Variants in PCDH11X observed in about 807,000 individuals in gnomAD.
The protein encoded by PCDH11X is protocadherin-11 X-linked.
In PCDH11X, 18 loss-of-function variants were observed where a neutral mutation model predicts 53.3. That is an observed-to-expected ratio of 0.34 (90% CI 0.23 to 0.50). The LOEUF (loss-of-function observed/expected upper bound fraction) is 0.50, where lower values mean the gene tolerates loss of function less well. Ranked by LOEUF, PCDH11X falls within the 20% of genes least tolerant of loss-of-function variation. The pLI is 0.98. For synonymous variants in PCDH11X, 279 were observed against 393.3 expected (o/e 0.71, Z 3.44); for missense variants, 570 against 1,032.4 (o/e 0.55, Z 6.14).
chrX:92,613,481 T>G (rs1166718335), intron 10 of PCDH11X, among the ~76,000 whole-genome samples: 1 of 110,012 alleles, frequency 9.1e-6, no homozygotes, highest in Non-Finnish European at 1.9e-5. Context: ...CCTGATGGAG[T>G]TCGTTTGTAT....
Position 91,890,710 on chromosome X carries a change from TAAAA to T in PCDH11X, c.3033+11439_3033+11442del, listed in dbSNP as rs750909682. 1.3e-3 allele frequency among the ~76,000 whole-genome samples: 140 copies of T among 108,824 alleles called. 3 individuals are homozygous for T. The South Asian group carries it at 0.055, about 43-fold the overall frequency. 94.5% of individuals were successfully genotyped at this position (108,824 alleles called of 115,157 possible). ...TACTTAATTTTAATAATTATGAAAA[TAAAA>T]AGAAAGAAGTAGTTCTCTGTTAGTC... On this transcript the variant is annotated intron_variant, in intron 6 of 10. Coordinates refer to ENST00000682573, the MANE Select transcript of PCDH11X (RefSeq NM_032968.5).
intron 6 of PCDH11X, among the ~76,000 whole-genome samples, chrX:91,905,073 A>G (rs187992394): frequency 9.5e-6 from 1 of 105,775 alleles, no homozygotes; most frequent in East Asian, 2.9e-4. Context: ...ATAAAGAGAA[A>G]CAGCTTTTAT....
At chrX:91,812,611 T>A in intron 4 of PCDH11X, among the ~76,000 whole-genome samples, 1 of 111,521 alleles carries the variant, frequency 9.0e-6, no homozygotes, top group Admixed American at 9.6e-5. Flanking sequence ...GTCACCATAG[T>A]TTTCCCCAGT....
intron 10 of PCDH11X, among the ~76,000 whole-genome samples, chrX:92,518,893 A>G (rs2074319708): frequency 9.3e-6 from 1 of 106,959 alleles, no homozygotes; most frequent in Admixed American, 1.0e-4. Flanking sequence ...AGTAGCTGGG[A>G]CTACAAGTGC....
At chrX:92,536,221 G>A (rs35189756) in intron 10 of PCDH11X, among the ~76,000 whole-genome samples, 11 of 110,875 alleles carry the variant, frequency 9.9e-5, no homozygotes, top group Middle Eastern at 4.6e-3. Context: ...TCAAATTCTC[G>A]TAGTATGTTT....
Position 92,163,444 on chromosome X carries a change from C to T in PCDH11X, c.3034-37931C>T, listed in dbSNP as rs2065677254. On this transcript the variant is annotated intron_variant, in intron 6 of 10. Transcript: ENST00000682573. Reference sequence around the variant, plus strand: ...TTCCCAGTTCCTCTGGCAGCCCTCCCCAAGGACCCCTGTGAGACAAGTCAG... The same window carrying T: ...TTCCCAGTTCCTCTGGCAGCCCTCCTCAAGGACCCCTGTGAGACAAGTCAG... 3.6e-5 allele frequency among the ~76,000 whole-genome samples: 4 copies of T among 110,361 alleles called. No individual in the cohort carries two copies. The Admixed American group carries it at 3.9e-4, about 11-fold the overall frequency.
intron 6 of PCDH11X, among the ~76,000 whole-genome samples, chrX:92,013,635 C>T (rs1487620240): frequency 1.8e-5 from 2 of 111,730 alleles, no homozygotes; most frequent in African/African-American, 6.5e-5. Flanking sequence ...TCAAACTATA[C>T]TACAAGGCTA....
intron 10 of PCDH11X, among the ~76,000 whole-genome samples, chrX:92,554,879 C>A (rs1602321766): frequency 9.0e-6 from 1 of 111,174 alleles, no homozygotes; most frequent in Non-Finnish European, 1.9e-5. Flanking sequence ...TTCCCACTGT[C>A]AACTTCCCAC....
chrX:92,309,765 A>G (rs1435429481), intron 8 of PCDH11X, among the ~76,000 whole-genome samples: 1 of 111,847 alleles, frequency 8.9e-6, no homozygotes, highest in Non-Finnish European at 1.9e-5. Context: ...CACTGAGGAA[A>G]CAAAGGAAAT....
At chrX:92,537,305 C>CA (rs1244970652) in intron 10 of PCDH11X, among the ~76,000 whole-genome samples, 1 of 107,963 alleles carries the variant, frequency 9.3e-6, no homozygotes, top group Non-Finnish European at 1.9e-5. Context: ...TTTTCCCCCC[C>CA]AAAAGTGAAA....
intron 6 of PCDH11X, among the ~76,000 whole-genome samples, chrX:92,111,901 C>A (rs1192258844): frequency 1.8e-5 from 2 of 109,651 alleles, no homozygotes; most frequent in African/African-American, 6.6e-5. Context: ...GGACTACAGG[C>A]GCCCGCCACC....
At chrX:91,975,207 T>C (rs769762331) in intron 6 of PCDH11X, among the ~76,000 whole-genome samples, 1 of 111,660 alleles carries the variant, frequency 9.0e-6, no homozygotes, top group South Asian at 3.7e-4. Flanking sequence ...GTGGTCAGTT[T>C]CTATATTTAT....
chrX:91,910,501 G>A (rs867186980), intron 6 of PCDH11X, among the ~76,000 whole-genome samples: 7 of 111,410 alleles, frequency 6.3e-5, no homozygotes, highest in African/African-American at 2.0e-4. Context: ...AACAAAAAAA[G>A]ACCATTTTCT....
intron 10 of PCDH11X, among the ~76,000 whole-genome samples, chrX:92,554,829 C>G (rs1220809189): frequency 9.1e-6 from 1 of 110,011 alleles, no homozygotes; most frequent in Non-Finnish European, 1.9e-5. Flanking sequence ...TGCAAAGGAG[C>G]CTCACTTTCT....
In PCDH11X at chrX:92,252,693, A is replaced by C. The variant is rs1017146808; in HGVS notation, c.3115-10421A>C. The stretch of plus-strand genomic sequence containing the variant: ...TTTTTTTTAAATTGGATGAGATTTT[A>C]GTCAACTTTTAAAAGAAATCTGTGC... On this transcript the variant is annotated intron_variant, in intron 7 of 10. Transcript: ENST00000682573. Among the ~76,000 whole-genome samples, 7 of 110,987 alleles carry C rather than the reference A, an allele frequency of 6.3e-5. No homozygotes were observed. The Admixed American group carries it at 6.7e-4, about 11-fold the overall frequency.
intron 9 of PCDH11X, among the ~76,000 whole-genome samples, chrX:92,454,511 C>T (rs2072871833): frequency 9.3e-6 from 1 of 108,021 alleles, no homozygotes; most frequent in East Asian, 2.9e-4. Context: ...AATATTTTTT[C>T]TTTTTTTAAG....
rs757224777 is a variant in PCDH11X at position 92,255,387 on chromosome X, T to C, written c.3115-7727T>C. Among the ~76,000 whole-genome samples, 192 of 101,316 alleles carry C rather than the reference T, an allele frequency of 1.9e-3. No homozygotes were observed. The Middle Eastern group carries it at 0.02, about 11-fold the overall frequency. The allele number at this position is 101,316 out of a possible 115,157, so 88.0% of individuals were successfully genotyped here. ...TCAACTTCTTTGCCTTTGGTTTGAATGTCCTCCCGTAGCTCAGAGTAATTT... is the reference window on the plus strand; with the variant it reads ...TCAACTTCTTTGCCTTTGGTTTGAACGTCCTCCCGTAGCTCAGAGTAATTT... On this transcript the variant is annotated intron_variant, in intron 7 of 10. Coordinates refer to ENST00000682573, the MANE Select transcript of PCDH11X (RefSeq NM_032968.5).
At position 92,464,468 on chromosome X, in the gene PCDH11X, G is replaced by C. The variant is rs776219034; in HGVS notation, c.3344-3831G>C. ...CTCCTTCCTCCTGCCATGTGAAGAA[G>C]TGTGTGTTTGCTTTTCCTTCCACCA... On this transcript the variant is annotated intron_variant, in intron 9 of 10. Coordinates refer to ENST00000682573, the MANE Select transcript of PCDH11X (RefSeq NM_032968.5). Among the ~76,000 whole-genome samples the C allele has an allele frequency of 3.6e-5, 4 of 110,827 alleles. No individual in the cohort carries two copies. In the East Asian group the frequency reaches 1.1e-3, roughly 32 times the overall value.
intron 10 of PCDH11X, among the ~76,000 whole-genome samples, chrX:92,548,200 C>T (rs72608331): frequency 0.078 from 8,504 of 108,944 alleles, 340 homozygotes; most frequent in Admixed American, 0.2. Context: ...TTGAGACATG[C>T]TTTCAGTTGT....
Sources: gnomAD v4.1 joint callset for allele counts (sites outside exome capture counted in the v4.1 genomes callset) on GRCh38, gnomAD v4.1.1 for gene constraint, MANE v1.5 for transcripts, NCBI Gene and HGNC (gene_info 2026-07-23, HGNC 2026-07-21) for gene names.